CAST: variants seen among roughly 807,000 people sequenced by gnomAD.
CAST encodes MIR583 host.
In CAST, 76 loss-of-function variants were observed where a neutral mutation model predicts 119.6. The observed-to-expected ratio is 0.64, with a 90% CI of 0.53 to 0.77. CAST has a LOEUF of 0.77. Ranked by LOEUF, CAST falls within the 30% of genes least tolerant of loss-of-function variation. CAST has a pLI of 0.00. For missense variants in CAST, 953 were observed against 946.5 expected (o/e 1.01, Z -0.09); for synonymous variants, 319 against 331.6 (o/e 0.96, Z 0.41).
upstream of CAST, among the ~76,000 whole-genome samples, chr5:96,657,770 T>C (rs1385933523): frequency 6.6e-6 from 1 of 152,160 alleles, no homozygotes; most frequent in African/African-American, 2.4e-5. Flanking sequence ...AAATATAACT[T>C]GATTTCCAGA....
chr5:96,122,252 TCTTC>T, the CAST span, among the ~76,000 whole-genome samples: 3 of 152,206 alleles, frequency 2.0e-5, no homozygotes, highest in African/African-American at 7.2e-5. Flanking sequence ...GCATTTGTGT[TCTTC>T]CTATCAGAAG....
the CAST span, among the ~76,000 whole-genome samples, chr5:96,093,632 T>C: frequency 3.9e-5 from 6 of 152,350 alleles, no homozygotes; most frequent in South Asian, 1.2e-3. Flanking sequence ...CAGCGTATCT[T>C]AACAGAGGCC....
the CAST span, among the ~76,000 whole-genome samples, chr5:95,967,158 G>A: frequency 6.6e-6 from 1 of 152,166 alleles, no homozygotes; most frequent in African/African-American, 2.4e-5. Context: ...ATGGGGTGGG[G>A]AGGGAATGTT....
the CAST span, among the ~76,000 whole-genome samples, chr5:96,298,984 A>C: frequency 6.6e-6 from 1 of 151,968 alleles, no homozygotes; most frequent in South Asian, 2.1e-4. Flanking sequence ...TCACACCTGT[A>C]ATCCCAGCAC....
At chr5:96,586,095 C>T (rs1746854846) in intron 1 of CAST, among the ~76,000 whole-genome samples, 2 of 152,094 alleles carry the variant, frequency 1.3e-5, no homozygotes, top group South Asian at 4.1e-4. Context: ...ATTTATTTTT[C>T]ACCAGCTCCC....
chr5:96,731,678 G>A (rs143965018), intron 9 of CAST, among the ~76,000 whole-genome samples: 12,894 of 93,124 alleles, frequency 0.14, 794 homozygotes, highest in Middle Eastern at 0.26. Flanking sequence ...ACAGTCCCCC[G>A]AGTGTGATAT....
At chr5:95,980,196 G>C in the CAST span, 1 of 152,084 alleles carries the variant, frequency 6.6e-6, no homozygotes, top group Non-Finnish European at 1.5e-5. Context: ...TTTCTTTGTA[G>C]ACATATATAG....
the CAST span, among the ~76,000 whole-genome samples, chr5:96,243,985 G>C: frequency 6.6e-6 from 1 of 152,288 alleles, no homozygotes; most frequent in East Asian, 1.9e-4. Context: ...AAGCATTACT[G>C]CATAGGGTAA....
At chr5:96,496,188 AATT>A in the CAST span, among the ~76,000 whole-genome samples, 1 of 152,264 alleles carries the variant, frequency 6.6e-6, no homozygotes, top group African/African-American at 2.4e-5. Context: ...TCTTTATTTG[AATT>A]ATTATTCCAT....
At chr5:96,409,515 T>C in the CAST span, among the ~76,000 whole-genome samples, 1 of 152,312 alleles carries the variant, frequency 6.6e-6, no homozygotes, top group East Asian at 1.9e-4. Context: ...CAGCTGTCTC[T>C]CCTAAGGCTG....
chr5:96,617,150 T>G (rs1397640811), intron 1 of CAST, among the ~76,000 whole-genome samples: 1 of 152,190 alleles, frequency 6.6e-6, no homozygotes, highest in African/African-American at 2.4e-5. Context: ...TTGTTAATTC[T>G]CCACCAGTGA....
chr5:96,662,257 A>C, upstream of CAST: 1 of 820,310 alleles, frequency 1.2e-6, no homozygotes, highest in Non-Finnish European at 1.7e-6. Flanking sequence ...GGCTAGGGGA[A>C]CCCCGGCGCA....
the CAST span, among the ~76,000 whole-genome samples, chr5:96,345,154 G>C: frequency 6.6e-6 from 1 of 152,034 alleles, no homozygotes; most frequent in Non-Finnish European, 1.5e-5. Context: ...ATCTAACAAG[G>C]AGTCTTACCA....
chr5:96,549,015 C>G (rs1342732463), intron 1 of CAST, among the ~76,000 whole-genome samples: 3 of 152,150 alleles, frequency 2.0e-5, no homozygotes, highest in African/African-American at 7.2e-5. Flanking sequence ...TTACAAGGAA[C>G]CAGGAAGAGA....
the CAST span, among the ~76,000 whole-genome samples, chr5:96,462,254 C>A: frequency 1.3e-5 from 2 of 152,082 alleles, no homozygotes; most frequent in African/African-American, 4.8e-5. Flanking sequence ...GTCTGGGAAC[C>A]ACTTGTGTTT....
chr5:96,705,853 A>G (rs529705129), intron 3 of CAST, among the ~76,000 whole-genome samples: 1 of 152,316 alleles, frequency 6.6e-6, no homozygotes, highest in African/African-American at 2.4e-5. Context: ...TTAAGAAAAT[A>G]AAAACTGCCA....
the CAST span, among the ~76,000 whole-genome samples, chr5:96,132,874 T>G: frequency 6.6e-6 from 1 of 152,294 alleles, no homozygotes; most frequent in East Asian, 1.9e-4. Flanking sequence ...TCCACTGGAC[T>G]TTATAGTAAG....
At chr5:96,648,361 C>G (rs1748049062) in intron 1 of CAST, among the ~76,000 whole-genome samples, 1 of 152,142 alleles carries the variant, frequency 6.6e-6, no homozygotes, top group South Asian at 2.1e-4. Context: ...GTTTACACTC[C>G]TCTCCTCATA....
At chr5:96,150,690 C>T in the CAST span, among the ~76,000 whole-genome samples, 7 of 152,040 alleles carry the variant, frequency 4.6e-5, no homozygotes, top group South Asian at 2.1e-4. Context: ...GGAGAAACTA[C>T]GGAGTGAGGT....
Sources: gnomAD v4.1 joint callset for allele counts (sites outside exome capture counted in the v4.1 genomes callset) on GRCh38, gnomAD v4.1.1 for gene constraint, MANE v1.5 for transcripts, NCBI Gene and HGNC (gene_info 2026-07-23, HGNC 2026-07-21) for gene names.